AXL: variants seen among roughly 807,000 people sequenced by gnomAD.
The protein encoded by AXL is AXL receptor tyrosine kinase.
A neutral mutation model predicts 104.5 loss-of-function variants in AXL; 52 were observed. That is an observed-to-expected ratio of 0.50 (90% CI 0.40 to 0.63). The LOEUF (loss-of-function observed/expected upper bound fraction) is 0.63, where lower values mean the gene tolerates loss of function less well. AXL is among the 20% of genes least tolerant of loss of function. The pLI is 0.00. For missense variants in AXL, 1,024 were observed against 1,188.5 expected (o/e 0.86, Z 2.04); for synonymous variants, 455 against 473.7 (o/e 0.96, Z 0.51).
At chr19:41,251,148 T>C (rs981830738) in intron 14 of AXL, among the ~76,000 whole-genome samples, 4 of 152,110 alleles carry the variant, frequency 2.6e-5, no homozygotes, top group Non-Finnish European at 4.4e-5. Context: ...ATCTTTAAAA[T>C]AGAGATAGGC....
At chr19:41,259,001 C>A (rs546408274) in intron 19 of AXL, among the ~76,000 whole-genome samples, 1 of 152,112 alleles carries the variant, frequency 6.6e-6, no homozygotes, top group Non-Finnish European at 1.5e-5. Context: ...CCATGTGGAC[C>A]CCTTTGTGGC....
intron 12 of AXL, among the ~76,000 whole-genome samples, 185 bp from the exon 13 acceptor site, chr19:41,248,329 A>C (rs957577411): frequency 6.6e-6 from 1 of 152,348 alleles, no homozygotes; most frequent in Admixed American, 6.5e-5. Context: ...CTTTGAGGGA[A>C]GGTTCAGGGG....
intron 4 of AXL, among the ~76,000 whole-genome samples, chr19:41,229,259 A>G (rs1319560108): frequency 1.4e-5 from 2 of 147,336 alleles, no homozygotes; most frequent in Non-Finnish European, 3.0e-5. Flanking sequence ...TTTATTTTTC[A>G]TTTTATTATT....
chr19:41,231,451 C>G (rs1876107803), intron 6 of AXL, among the ~76,000 whole-genome samples, 153 bp downstream of exon 6: 1 of 152,130 alleles, frequency 6.6e-6, no homozygotes, highest in South Asian at 2.1e-4. Flanking sequence ...GGGTTCGAAT[C>G]CTAGCTCCAC....
chr19:41,227,373 T>C (rs1027715638), intron 4 of AXL, among the ~76,000 whole-genome samples: 14 of 152,144 alleles, frequency 9.2e-5, no homozygotes, highest in African/African-American at 3.1e-4. Flanking sequence ...TACATATATA[T>C]ATGATTATCT....
chr19:41,256,194 C>A (rs2034450133), intron 17 of AXL, among the ~76,000 whole-genome samples: 1 of 152,136 alleles, frequency 6.6e-6, no homozygotes, highest in Non-Finnish European at 1.5e-5. Flanking sequence ...GAATCAAACC[C>A]AAGGAAGGAC....
chr19:41,248,314 G>A (rs1476193364), intron 12 of AXL, among the ~76,000 whole-genome samples, 200 bp from the exon 13 acceptor site: 1 of 152,242 alleles, frequency 6.6e-6, no homozygotes, highest in Non-Finnish European at 1.5e-5. Context: ...TACCCCTTGA[G>A]TTCCCTTTGA....
chr19:41,250,342 C>G (rs893603403), intron 14 of AXL, among the ~76,000 whole-genome samples: 2 of 152,206 alleles, frequency 1.3e-5, no homozygotes, highest in Non-Finnish European at 2.9e-5. Flanking sequence ...ATGATCCTTT[C>G]TGAATTACAG....
At chr19:41,237,780 T>C (rs1223419098) in intron 6 of AXL, among the ~76,000 whole-genome samples, 164 bp from the exon 7 acceptor site, 1 of 152,190 alleles carries the variant, frequency 6.6e-6, no homozygotes, top group East Asian at 1.9e-4. Context: ...ATGATCTCCT[T>C]GCTTTGCAAA....
At position 41,243,653 on chromosome 19, in the gene AXL, G is replaced by A. The variant is rs2034222352; in HGVS notation, c.1483G>A (p.Val495Ile). The A allele has an allele frequency of 2.5e-6, 4 of 1,614,128 alleles. No individual in the cohort carries two copies. Among genetic ancestry groups the A allele is most frequent in the Non-Finnish European group, 3.4e-6 (4 of 1,180,026 alleles). The change falls in exon 12 of 20, where the codon GTA becomes ATA. Residue 495 changes from valine (V) to isoleucine (I), a missense_variant. This residue lies in a region of AXL where 523 missense variants were observed against 636.0 expected (regional missense o/e 0.82). Coordinates refer to ENST00000301178, the MANE Select transcript of AXL (RefSeq NM_021913.5). ...FEPTVERGEL[V>I]VRYRVRKSYS... ...ACCAACAGTGGAAAGAGGTGAACTG[G>A]TAGTCAGGTACCGCGTGCGCAAGTC... is the stretch of plus-strand genomic sequence containing the variant.
intron 4 of AXL, among the ~76,000 whole-genome samples, chr19:41,228,109 C>T (rs915448242): frequency 1.3e-5 from 2 of 152,108 alleles, no homozygotes; most frequent in Non-Finnish European, 2.9e-5. Flanking sequence ...CGTTGTATAG[C>T]GGTTTGTGTT....
chr19:41,252,004 T>C (rs908905008), intron 14 of AXL, among the ~76,000 whole-genome samples: 10 of 150,358 alleles, frequency 6.7e-5, no homozygotes, highest in Non-Finnish European at 1.0e-4. Context: ...TCCCAGCTAC[T>C]CAGGAGGCTG....
At chr19:41,248,387 T>C in intron 12 of AXL, 127 bp from the exon 13 acceptor site, 1 of 916,096 alleles carries the variant, frequency 1.1e-6, no homozygotes, top group Middle Eastern at 3.3e-4. Context: ...TCAGGGCAGT[T>C]GCTAATTTTA....
In AXL at chr19:41,230,142, G is replaced by A. The variant is rs531923424; in HGVS notation, c.587-825G>A. Among the ~76,000 whole-genome samples the A allele has an allele frequency of 2.5e-4, 29 of 118,286 alleles. No individual in the cohort carries two copies. In the East Asian group the frequency reaches 5.8e-3, roughly 24 times the overall value. 77.6% of individuals were successfully genotyped at this position (118,286 alleles called of 152,430 possible). ...GTGTGAGACACAGTGTGTGTGTGTG[G>A]CTGTGTCTGTTTCTGTGTCTGTGTC... On this transcript the variant is annotated intron_variant, in intron 4 of 19. Transcript: ENST00000301178.
intron 8 of AXL, among the ~76,000 whole-genome samples, 156 bp from the exon 9 acceptor site, chr19:41,239,008 G>A (rs1220305078): frequency 1.3e-5 from 2 of 152,024 alleles, no homozygotes; most frequent in African/African-American, 4.8e-5. Context: ...CAGGTTAAAG[G>A]ATGAGGATGA....
chr19:41,235,964 A>G (rs1482061483), intron 6 of AXL, among the ~76,000 whole-genome samples: 1 of 152,014 alleles, frequency 6.6e-6, no homozygotes, highest in Non-Finnish European at 1.5e-5. Flanking sequence ...TGGGAGGCCG[A>G]GGCAGGTGGA....
chr19:41,239,278 T>C lies in AXL; in HGVS notation c.1249T>C (p.Trp417Arg), dbSNP rs2122238260. The C allele has an allele frequency of 6.2e-7, 1 of 1,604,464 alleles. No homozygotes were observed. Residue 417 changes from tryptophan to arginine, a missense_variant, in exon 9 of 20, where the codon TGG (tryptophan) becomes CGG (arginine). By Grantham distance (101) the Trp-to-Arg change is moderately radical. This residue lies in a region of AXL where 523 missense variants were observed against 636.0 expected (regional missense o/e 0.82). Transcript: ENST00000301178. ...AAYTAAGDGP[W>R]SLPVPLEAWR... ...CTACACTGCTGCTGGGGATGGACCCTGGAGCCTCCCAGTACCCCTGGAGGC... is the reference window on the plus strand; with the variant it reads ...CTACACTGCTGCTGGGGATGGACCCCGGAGCCTCCCAGTACCCCTGGAGGC...
chr19:41,256,546 A>G lies in AXL; in HGVS notation c.2131A>G (p.Met711Val). ...CTACCGCCAGGGACGTATCGCCAAGATGCCAGTCAAGTGGATTGCCATTGA... is the reference window on the plus strand; with the variant it reads ...CTACCGCCAGGGACGTATCGCCAAGGTGCCAGTCAAGTGGATTGCCATTGA... ...DYYRQGRIAK[M>V]PVKWIAIESL... Residue 711 changes from methionine (M) to valine (V), a missense_variant, in exon 18 of 20, where the codon ATG becomes GTG. Met to Val is a conservative substitution (Grantham distance 21, BLOSUM62 1). This residue lies in a region of AXL where 523 missense variants were observed against 636.0 expected (regional missense o/e 0.82). Coordinates refer to ENST00000301178, the MANE Select transcript of AXL (RefSeq NM_021913.5). 6.2e-7 allele frequency: 1 copy of G among 1,614,258 alleles called. No homozygotes were observed. Among genetic ancestry groups the G allele is most frequent in the African/African-American group, 1.3e-5 (1 of 75,066 alleles).
chr19:41,238,300 G>A (rs551458130), intron 7 of AXL, 146 bp downstream of exon 7: 53 of 1,420,422 alleles, frequency 3.7e-5, no homozygotes, highest in Middle Eastern at 2.5e-4. Context: ...CAGCAGCACT[G>A]CCCGCTGGCC....
Sources: gnomAD v4.1 joint callset for allele counts (sites outside exome capture counted in the v4.1 genomes callset) on GRCh38, gnomAD v4.1.1 for gene constraint, gnomAD v4.1.1 regional missense constraint, MANE v1.5 for transcripts, NCBI Gene and HGNC (gene_info 2026-07-23, HGNC 2026-07-21) for gene names.